The following MYH14 variants were observed in gnomAD, a reference collection of about 807,000 sequenced individuals.
MYH14 encodes myosin-14.
A neutral mutation model predicts 255.5 loss-of-function variants in MYH14; 123 were observed. The ratio of observed to expected loss-of-function variants is 0.48; its 90% confidence interval spans 0.42 to 0.56. The LOEUF (loss-of-function observed/expected upper bound fraction) is 0.56. Among genes scored for constraint, MYH14 ranks in the 20% least tolerant of loss-of-function variants. The pLI, the probability that MYH14 is intolerant of heterozygous loss-of-function variation, is 0.00. For missense variants in MYH14, 2,423 were observed against 2,802.3 expected (o/e 0.86, Z 3.06); for synonymous variants, 1,095 against 1,161.2 (o/e 0.94, Z 1.16).
At chr19:50,272,818 A>G in intron 27 of MYH14, 87 bp downstream of exon 27, 1 of 1,369,498 alleles carries the variant, frequency 7.3e-7, no homozygotes, top group Non-Finnish European at 1.0e-6. Context: ...GCTCCTGGGT[A>G]CAAACCCCAG....
chr19:50,286,641 C>G lies in MYH14; in HGVS notation c.4699C>G (p.Leu1567Val). The change falls in exon 34 of 43, where the codon CTG becomes GTG. Residue 1567 changes from leucine (L) to valine (V), a missense_variant. Transcript: ENST00000642316. ...REELERQNRA[L>V]RAELEALLSS... ...GGAGCTGGAGCGGCAGAACCGGGCC[C>G]TGCGGGCTGAGCTGGAGGCACTGCT... 1 of 1,591,796 alleles carries G rather than the reference C, an allele frequency of 6.3e-7. No homozygotes were observed. The highest frequency in any genetic ancestry group is 1.8e-5 in the Admixed American group (1 of 55,720).
intron 40 of MYH14, 101 bp downstream of exon 40, chr19:50,301,970 A>G: frequency 1.1e-6 from 1 of 947,628 alleles, no homozygotes; most frequent in Non-Finnish European, 1.6e-6. Flanking sequence ...AAACATCCAA[A>G]AGACATCATC....
intron 10 of MYH14, 99 bp downstream of exon 10, chr19:50,232,169 G>A: frequency 1.4e-6 from 2 of 1,479,410 alleles, no homozygotes; most frequent in East Asian, 4.6e-5. Flanking sequence ...AGTGTTTATT[G>A]AGCACCTACT....
intron 39 of MYH14, among the ~76,000 whole-genome samples, chr19:50,301,209 G>A (rs1445486322): frequency 1.3e-5 from 2 of 152,294 alleles, no homozygotes; most frequent in East Asian, 1.9e-4. Flanking sequence ...TGAGATGCCC[G>A]TTATAAGTGC....
Position 50,230,511 on chromosome 19 carries a change from C to T in MYH14, c.875-14C>T, listed in dbSNP as rs761624201. 1 of 1,553,970 alleles carries T rather than the reference C, an allele frequency of 6.4e-7. No homozygotes were observed. The highest frequency in any genetic ancestry group is 8.7e-7 in the Non-Finnish European group (1 of 1,148,788). ...CGTCCCTTCCCCTCTAGCACCTTGACTCGCTGTGTCCAGACCTGCTGGAGA... is the reference window on the plus strand; with the variant it reads ...CGTCCCTTCCCCTCTAGCACCTTGATTCGCTGTGTCCAGACCTGCTGGAGA... On this transcript the variant is annotated splice_polypyrimidine_tract_variant and intron_variant, in intron 8 of 42. Transcript: ENST00000642316. This position sits in a 1 kb window ranked among gnomAD's most constrained non-coding sequence, Gnocchi z 4.7.
intron 35 of MYH14, among the ~76,000 whole-genome samples, chr19:50,289,982 T>C (rs2036017179): frequency 6.6e-6 from 1 of 152,100 alleles, no homozygotes; most frequent in South Asian, 2.1e-4. Flanking sequence ...TGTTGACCTG[T>C]TGCTGTACCC....
intron 21 of MYH14, 109 bp from the exon 22 acceptor site, chr19:50,263,203 A>G (rs2034951512): frequency 2.7e-6 from 2 of 730,652 alleles, no homozygotes; most frequent in Non-Finnish European, 4.1e-6. Context: ...TGTCTCAGAA[A>G]AACAAACAAA....
chr19:50,276,778 G>A lies in MYH14; in HGVS notation c.3702G>A (p.Val1234=), dbSNP rs773866887. 1 of 1,613,498 alleles carries A rather than the reference G, an allele frequency of 6.2e-7. No individual in the cohort carries two copies. The highest frequency in any genetic ancestry group is 8.5e-7 in the Non-Finnish European group (1 of 1,179,872). The change falls in exon 29 of 43, where the codon GTG becomes GTA. Residue 1234 remains valine (V), a synonymous_variant. Transcript: ENST00000642316. The surrounding 1 kb of genome is among the most constrained non-coding windows in gnomAD (Gnocchi z 4.3). ...AAAGGTCCAAGAGGGAACAGGAGGTGACGGAGCTGAAGAAGACTCTGGAGG... is the reference window on the plus strand; with the variant it reads ...AAAGGTCCAAGAGGGAACAGGAGGTAACGGAGCTGAAGAAGACTCTGGAGG... The part of the protein sequence containing the change: ...QELRSKREQE[V]TELKKTLEEE...
At chr19:50,299,670 C>T (rs1000876105) in intron 39 of MYH14, among the ~76,000 whole-genome samples, 12 of 150,688 alleles carry the variant, frequency 8.0e-5, no homozygotes, top group African/African-American at 2.9e-4. Flanking sequence ...TCTGGCCGGG[C>T]GTGATGGCTC....
At chr19:50,262,167 GGCAGGAGCAAGCTTGT>G (rs1448375859) in intron 21 of MYH14, among the ~76,000 whole-genome samples, 1 of 152,134 alleles carries the variant, frequency 6.6e-6, no homozygotes, top group Non-Finnish European at 1.5e-5. Context: ...AGGTGATCAG[GGCAGGAGCAAGCTTGT>G]GCAAAGACCC....
At chr19:50,259,035 A>T in intron 18 of MYH14, 109 bp from the exon 19 acceptor site, 1 of 1,412,008 alleles carries the variant, frequency 7.1e-7, no homozygotes, top group Non-Finnish European at 9.4e-7. Context: ...CTAGGCACCT[A>T]GTAGGTGCTC....
intron 6 of MYH14, among the ~76,000 whole-genome samples, chr19:50,224,590 C>G (rs768687672): frequency 1.3e-5 from 2 of 152,164 alleles, no homozygotes; most frequent in African/African-American, 4.8e-5. Context: ...CATCTTAACA[C>G]AAGCAAGACA....
At chr19:50,277,554 G>A (rs2123410476) in intron 29 of MYH14, among the ~76,000 whole-genome samples, 1 of 152,270 alleles carries the variant, frequency 6.6e-6, no homozygotes, top group African/African-American at 2.4e-5. Context: ...GTTGAAGTGA[G>A]TCAAGATTGT....
intron 34 of MYH14, among the ~76,000 whole-genome samples, chr19:50,287,416 T>G (rs1408129383): frequency 2.6e-5 from 4 of 152,214 alleles, no homozygotes; most frequent in Non-Finnish European, 5.9e-5. Flanking sequence ...TTGTTTTTTG[T>G]TTTGTTTTAT....
chr19:50,259,227 C>T lies in MYH14; in HGVS notation c.2316C>T (p.Gly772=). 6.3e-7 allele frequency: 1 copy of T among 1,589,102 alleles called. No individual in the cohort carries two copies. The highest frequency in any genetic ancestry group is 8.6e-7 in the Non-Finnish European group (1 of 1,167,232). The change falls in exon 19 of 43, where the codon GGC becomes GGT. Residue 772 remains glycine (G), a synonymous_variant. Transcript: ENST00000642316. ...AGGGCATCCGCATCTGTCGCCAGGG[C>T]TTCCCCAACCGCATCCTCTTCCAGG... ...VLEGIRICRQ[G]FPNRILFQEF...
Position 50,226,986 on chromosome 19 carries a change from G to A in MYH14, c.874+20G>A, listed in dbSNP as rs199608076. 7 of 1,613,318 alleles carry A rather than the reference G, an allele frequency of 4.3e-6. No individual in the cohort carries two copies. Among genetic ancestry groups the A allele is most frequent in the Non-Finnish European group, 4.2e-6 (5 of 1,179,358 alleles). ...AGACCTGTATCCTCTCACAGCCCAT[G>A]GGGGTGGCAGCCAAGGGGGGCAGCC... is the stretch of plus-strand genomic sequence containing the variant. On this transcript the variant is annotated intron_variant, in intron 8 of 42. Transcript: ENST00000642316.
chr19:50,232,788 C>G (rs1229385814), intron 10 of MYH14, among the ~76,000 whole-genome samples: 1 of 151,882 alleles, frequency 6.6e-6, no homozygotes, highest in Non-Finnish European at 1.5e-5. Flanking sequence ...AGGGAACAGC[C>G]TGTGCAAAGG....
intron 15 of MYH14, among the ~76,000 whole-genome samples, chr19:50,251,646 C>T (rs2034404656): frequency 6.6e-6 from 1 of 151,910 alleles, no homozygotes; most frequent in African/African-American, 2.4e-5. Flanking sequence ...GGCACGATCT[C>T]GGCTCACTGC....
At chr19:50,296,979 T>G (rs2036288324) in intron 39 of MYH14, among the ~76,000 whole-genome samples, 1 of 83,752 alleles carries the variant, frequency 1.2e-5, no homozygotes, top group African/African-American at 2.9e-5. Flanking sequence ...ATTCTCTCTG[T>G]TTTTTTTTGT....
Sources: gnomAD v4.1 joint callset for allele counts (sites outside exome capture counted in the v4.1 genomes callset) on GRCh38, gnomAD v4.1.1 for gene constraint, Gnocchi (gnomAD v3.1) non-coding constraint, MANE v1.5 for transcripts, NCBI Gene and HGNC (gene_info 2026-07-23, HGNC 2026-07-21) for gene names.